The following RRAGD variants were observed in gnomAD, a reference collection of about 807,000 sequenced individuals.
RRAGD encodes the protein Ras related GTP binding D, also known as ras-related GTP-binding protein D.
RRAGD carries 12 observed loss-of-function variants against 35.5 expected under a neutral mutation model. The ratio of observed to expected loss-of-function variants is 0.34; its 90% CI spans 0.22 to 0.55. The LOEUF is 0.55. Among genes scored for constraint, RRAGD ranks in the 20% least tolerant of loss-of-function variants. RRAGD has a pLI of 0.91. For missense variants in RRAGD, 324 were observed against 490.1 expected, an observed-to-expected ratio of 0.66 and a Z score of 3.20; for synonymous variants, 155 against 178.9, an observed-to-expected ratio of 0.87 and a Z score of 1.07.
intron 1 of RRAGD, among the ~76,000 whole-genome samples, chr6:89,408,410 T>C (rs1769627124): frequency 6.6e-6 from 1 of 152,172 alleles, no homozygotes; most frequent in African/African-American, 2.4e-5. Context: ...TCCTAGCTAC[T>C]TGGGAGGCTG....
chr6:89,379,755 C>T (rs1769010881), intron 3 of RRAGD, among the ~76,000 whole-genome samples: 1 of 152,148 alleles, frequency 6.6e-6, no homozygotes, highest in South Asian at 2.1e-4. Context: ...CATGTACTAC[C>T]TCACAAAAAA....
intron 6 of RRAGD, among the ~76,000 whole-genome samples, chr6:89,371,397 G>A (rs913086162): frequency 2.6e-5 from 4 of 152,146 alleles, no homozygotes; most frequent in African/African-American, 9.7e-5. Context: ...GATGAGGTGG[G>A]AGGATCACTT....
chr6:89,395,774 T>A (rs1769321012), intron 1 of RRAGD, among the ~76,000 whole-genome samples: 1 of 152,160 alleles, frequency 6.6e-6, no homozygotes, highest in African/African-American at 2.4e-5. Flanking sequence ...TCAGAGAAAC[T>A]TAGAAATCCA....
chr6:89,390,987 A>G (rs1204098718), intron 1 of RRAGD, among the ~76,000 whole-genome samples: 1 of 152,174 alleles, frequency 6.6e-6, no homozygotes, highest in Admixed American at 6.5e-5. Flanking sequence ...ATATCCAGGC[A>G]AAAACTTCTA....
In RRAGD at chr6:89,411,703, C is replaced by T; in HGVS notation, c.148+143G>A. ...AGCTCGAGGTCGGGCTTTTGGCGTCCCTCCCCACCCCAAACCCTCAACTGG... is the reference window on the plus strand; with the variant it reads ...AGCTCGAGGTCGGGCTTTTGGCGTCTCTCCCCACCCCAAACCCTCAACTGG... On this transcript the variant is annotated intron_variant, in intron 1 of 6. Coordinates refer to ENST00000369415, the MANE Select transcript of RRAGD (RefSeq NM_021244.5). The surrounding 1 kb of genome is among the most constrained non-coding windows in gnomAD (Gnocchi z 5.6). 1.1e-6 allele frequency: 1 copy of T among 914,674 alleles called. No individual in the cohort carries two copies. The highest frequency in any genetic ancestry group is 3.0e-5 in the East Asian group (1 of 33,282). The allele number at this position is 914,674 out of a possible 1,614,324, so 56.7% of individuals were successfully genotyped here. A position where few individuals can be genotyped will look rare whatever the true frequency, so the allele number is the denominator to read the frequency against.
chr6:89,396,666 A>G (rs1025211966), intron 1 of RRAGD, among the ~76,000 whole-genome samples: 3 of 132,970 alleles, frequency 2.3e-5, no homozygotes, highest in African/African-American at 8.8e-5. Context: ...CAATCCACCC[A>G]CCTCAGCCTC....
At chr6:89,402,903 T>G (rs776303169) in intron 1 of RRAGD, among the ~76,000 whole-genome samples, 1 of 152,180 alleles carries the variant, frequency 6.6e-6, no homozygotes, top group Non-Finnish European at 1.5e-5. Context: ...CAACCTGTGG[T>G]TGCCATTTAC....
intron 1 of RRAGD, among the ~76,000 whole-genome samples, chr6:89,396,414 A>G (rs1769331244): frequency 2.2e-5 from 3 of 133,972 alleles, no homozygotes; most frequent in East Asian, 2.3e-4. Flanking sequence ...GAAATGACTC[A>G]ATTTTATTTT....
chr6:89,380,030 T>C lies in RRAGD; in HGVS notation c.644+138A>G, dbSNP rs1397030373. The C allele has an allele frequency of 6.8e-6, 5 of 737,026 alleles. No homozygotes were observed. In the Admixed American group the frequency reaches 9.3e-5, roughly 14 times the overall value. 45.7% of individuals were successfully genotyped at this position (737,026 alleles called of 1,614,324 possible). A position where few individuals can be genotyped will look rare whatever the true frequency, so the allele number is the denominator to read the frequency against. On this transcript the variant is annotated intron_variant, in intron 3 of 6. Transcript: ENST00000369415. ...ACATGCAAAGCTCATTTTCCCCTAATCCTATCCATCTACAGCATGAAACAG... is the reference window on the plus strand; with the variant it reads ...ACATGCAAAGCTCATTTTCCCCTAACCCTATCCATCTACAGCATGAAACAG...
At chr6:89,390,765 G>A (rs190942030) in intron 1 of RRAGD, among the ~76,000 whole-genome samples, 20 of 152,200 alleles carry the variant, frequency 1.3e-4, no homozygotes, top group Admixed American at 1.3e-3. Flanking sequence ...AGACATGGTG[G>A]CAGGCACCTG....
At chr6:89,397,179 G>A (rs558935091) in intron 1 of RRAGD, among the ~76,000 whole-genome samples, 30 of 152,280 alleles carry the variant, frequency 2.0e-4, no homozygotes, top group African/African-American at 7.2e-4. Context: ...AAACTATAAT[G>A]AGATACTATT....
intron 1 of RRAGD, among the ~76,000 whole-genome samples, chr6:89,388,785 T>C (rs1459978322): frequency 6.6e-6 from 1 of 152,216 alleles, no homozygotes; most frequent in Non-Finnish European, 1.5e-5. Context: ...GTCACCATAA[T>C]GTAGAATCAA....
In RRAGD at chr6:89,411,637, G is replaced by A. The variant is rs1291666167; in HGVS notation, c.148+209C>T. The A allele has an allele frequency of 1.7e-5, 10 of 582,442 alleles. No individual in the cohort carries two copies. The highest frequency in any genetic ancestry group is 3.0e-5 in the Non-Finnish European group (10 of 333,760). 36.1% of individuals were successfully genotyped at this position (582,442 alleles called of 1,614,324 possible). On this transcript the variant is annotated intron_variant, in intron 1 of 6. Coordinates refer to ENST00000369415, the MANE Select transcript of RRAGD (RefSeq NM_021244.5). This position sits in a 1 kb window ranked among gnomAD's most constrained non-coding sequence, Gnocchi z 5.6. ...CTCCTTCCCCTTTTCCACCGATCCT[G>A]GTTGCCCCTCCGCCACCAGCACCGC...
At chr6:89,390,455 C>T (rs1481905197) in intron 1 of RRAGD, among the ~76,000 whole-genome samples, 2 of 152,206 alleles carry the variant, frequency 1.3e-5, no homozygotes, top group Admixed American at 6.5e-5. Flanking sequence ...GTAAAAACCA[C>T]ATTGAGATCC....
chr6:89,374,244 C>T (rs577160800), intron 5 of RRAGD, among the ~76,000 whole-genome samples: 22 of 152,098 alleles, frequency 1.4e-4, no homozygotes, highest in South Asian at 6.2e-4. Flanking sequence ...TCAAAGCTGA[C>T]GATAGGGGTA....
At position 89,368,066 on chromosome 6, in the gene RRAGD, A is replaced by C; in HGVS notation, c.1193T>G (p.Val398Gly). The change falls in exon 7 of 7, where the codon GTG becomes GGG. Residue 398 changes from valine (V) to glycine (G), a missense_variant. By Grantham distance (109) the Val-to-Gly change is moderately radical. This residue lies in a region of RRAGD where 68 missense variants were observed against 76.8 expected (regional missense o/e 0.89). Transcript: ENST00000369415. Reference protein sequence around the residue: ...KRATPNGTPRVLL With the variant: ...KRATPNGTPRGLL ...TTCCTGAAACCTCACCTACAGCAGCACTCTAGGGGTCCCATTAGGGGTGGC... is the reference window on the plus strand; with the variant it reads ...TTCCTGAAACCTCACCTACAGCAGCCCTCTAGGGGTCCCATTAGGGGTGGC... 1 of 1,606,606 alleles carries C rather than the reference A, an allele frequency of 6.2e-7. No homozygotes were observed. Among genetic ancestry groups the C allele is most frequent in the South Asian group, 1.1e-5 (1 of 90,082 alleles).
chr6:89,397,387 T>C (rs1769357472), intron 1 of RRAGD, among the ~76,000 whole-genome samples: 1 of 152,190 alleles, frequency 6.6e-6, no homozygotes, highest in African/African-American at 2.4e-5. Flanking sequence ...GCTGAGTTTT[T>C]ACCTAAGAGA....
At chr6:89,379,366 GT>G in intron 3 of RRAGD, 28 bp from the exon 4 acceptor site, 1 of 1,252,472 alleles carries the variant, frequency 8.0e-7, no homozygotes, top group Admixed American at 1.9e-5. Flanking sequence ...ATTTCATCAT[GT>G]TTTCCCTTTG....
rs547872086 is a variant in RRAGD at position 89,365,552 on chromosome 6, C to T, written c.*2504G>A. 1 of 152,306 alleles carries T rather than the reference C, an allele frequency of 6.6e-6. No individual in the cohort carries two copies. Among genetic ancestry groups the T allele is most frequent in the East Asian group, 1.9e-4 (1 of 5,186 alleles). 9.4% of individuals were successfully genotyped at this position (152,306 alleles called of 1,614,324 possible). On this transcript the variant is annotated 3_prime_UTR_variant, in exon 7 of 7. Coordinates refer to ENST00000369415, the MANE Select transcript of RRAGD (RefSeq NM_021244.5). ...AAAAACTGAACGCTTAGACATAACTCCTGCATCTTTCTTTAATTAAGAAGT... is the reference window on the plus strand; with the variant it reads ...AAAAACTGAACGCTTAGACATAACTTCTGCATCTTTCTTTAATTAAGAAGT...
Sources: allele counts gnomAD v4.1 joint callset (sites outside exome capture counted in the v4.1 genomes callset), GRCh38; gene constraint gnomAD v4.1.1; regional missense constraint gnomAD v4.1.1; non-coding constraint Gnocchi (gnomAD v3.1); transcripts MANE v1.5; gene names NCBI Gene and HGNC (gene_info 2026-07-23, HGNC 2026-07-21).